Variants in RERE observed in about 807,000 individuals in gnomAD.
RERE encodes arginine-glutamic acid dipeptide repeats, also known as arginine-glutamic acid dipeptide repeats protein.
A neutral mutation model predicts 146.1 loss-of-function variants in RERE; 40 were observed. That is an observed-to-expected ratio of 0.27 (90% confidence interval 0.21 to 0.36). The LOEUF is 0.36. RERE is among the 10% of genes least tolerant of loss of function. RERE has a pLI of 1.00. For missense variants in RERE, 1,933 were observed against 2,138.7 expected, an observed-to-expected ratio of 0.90 and a Z score of 1.90; for synonymous variants, 1,003 against 866.0, an observed-to-expected ratio of 1.16 and a Z score of -2.78.
chr1:8,468,277 A>G (rs1295889747), intron 10 of RERE, among the ~76,000 whole-genome samples: 1 of 152,200 alleles, frequency 6.6e-6, no homozygotes, highest in Middle Eastern at 3.2e-3. Context: ...AAATGTTTGA[A>G]AACTATCCAA....
intron 2 of RERE, among the ~76,000 whole-genome samples, chr1:8,647,474 C>A (rs780235450): frequency 6.6e-6 from 1 of 152,110 alleles, no homozygotes; most frequent in Non-Finnish European, 1.5e-5. Context: ...CTATGTTACA[C>A]AAAAATATTC....
At chr1:8,720,545 G>C (rs1351338417) in intron 1 of RERE, among the ~76,000 whole-genome samples, 2 of 152,216 alleles carry the variant, frequency 1.3e-5, no homozygotes, top group East Asian at 3.9e-4. Context: ...GAGAGAGAGA[G>C]AGAACAAGAA....
rs201913344 is a variant in RERE, at chr1:8,746,876, AAGAG to A, written c.-145+70280_-145+70283del. 1.9e-3 allele frequency among the ~76,000 whole-genome samples: 273 copies of A among 145,378 alleles called. 6 individuals carry two copies. In the East Asian group the frequency reaches 0.031, roughly 17 times the overall value. Reference sequence around the variant, plus strand: ...AGAGAAGAGAGATGGGGGAACAAAAAAGAGAGAGAGAGAGAGAGAGAGAAAGGGA... The same window carrying A: ...AGAGAAGAGAGATGGGGGAACAAAAAAGAGAGAGAGAGAGAGAGAAAGGGA... On this transcript the variant is annotated intron_variant, in intron 1 of 22. Transcript: ENST00000400908.
At chr1:8,411,817 T>C (rs911249268) in intron 12 of RERE, among the ~76,000 whole-genome samples, 4 of 152,196 alleles carry the variant, frequency 2.6e-5, no homozygotes, top group Admixed American at 2.6e-4. Flanking sequence ...AACGTGTAGT[T>C]TGCCCCCAGT....
intron 1 of RERE, among the ~76,000 whole-genome samples, chr1:8,762,523 T>C (rs1176548782): frequency 1.3e-5 from 2 of 152,182 alleles, no homozygotes; most frequent in African/African-American, 2.4e-5. Flanking sequence ...TTTTGGTTCC[T>C]AGAATACCCG....
chr1:8,617,215 G>T (rs576268456), intron 3 of RERE, among the ~76,000 whole-genome samples: 11 of 151,904 alleles, frequency 7.2e-5, no homozygotes, highest in Non-Finnish European at 1.5e-4. Flanking sequence ...GTGGTGGCAG[G>T]TGTCTGTAAT....
chr1:8,418,510 T>C (rs766122205), intron 12 of RERE, among the ~76,000 whole-genome samples: 9 of 152,158 alleles, frequency 5.9e-5, no homozygotes, highest in African/African-American at 2.2e-4. Context: ...GAAGCGCTCC[T>C]GGACTACGAC....
intron 12 of RERE, among the ~76,000 whole-genome samples, chr1:8,370,504 T>A (rs1475133827): frequency 6.6e-6 from 1 of 152,194 alleles, no homozygotes; most frequent in African/African-American, 2.4e-5. Context: ...TATGGCAGGT[T>A]ACGTCAATAA....
intron 1 of RERE, among the ~76,000 whole-genome samples, chr1:8,695,620 G>A (rs1244265353): frequency 7.0e-6 from 1 of 143,560 alleles, no homozygotes; most frequent in Non-Finnish European, 1.5e-5. Context: ...AAAAAGCCAG[G>A]CATGGTAGTG....
chr1:8,599,223 T>C (rs2100888), intron 4 of RERE, among the ~76,000 whole-genome samples: 1 of 151,942 alleles, frequency 6.6e-6, no homozygotes, highest in East Asian at 1.9e-4. Context: ...CTGTTTTTCT[T>C]TTTCAATCGA....
intron 1 of RERE, among the ~76,000 whole-genome samples, chr1:8,759,289 G>C (rs375552466): frequency 2.0e-5 from 3 of 151,962 alleles, no homozygotes; most frequent in Non-Finnish European, 2.9e-5. Flanking sequence ...TTACTAAATC[G>C]GACACTACAT....
chr1:8,587,142 G>A lies in RERE; in HGVS notation c.522+27419C>T, dbSNP rs571888708. Among the ~76,000 whole-genome samples, 6 of 152,204 alleles carry A rather than the reference G, an allele frequency of 3.9e-5. No individual in the cohort carries two copies. The East Asian group carries it at 5.8e-4, about 15-fold the overall frequency. Reference sequence around the variant, plus strand: ...TCTTTCACACATCAAACAGCAAGTCGAAAACCAGGAAGTCTTCAATTGTCC... The same window carrying A: ...TCTTTCACACATCAAACAGCAAGTCAAAAACCAGGAAGTCTTCAATTGTCC... On this transcript the variant is annotated intron_variant, in intron 4 of 22. Coordinates refer to ENST00000400908, the MANE Select transcript of RERE (RefSeq NM_001042681.2).
At chr1:8,396,023 A>G (rs781274270) in intron 12 of RERE, among the ~76,000 whole-genome samples, 40 of 152,322 alleles carry the variant, frequency 2.6e-4, no homozygotes, top group Middle Eastern at 3.4e-3. Context: ...ACCCACCTTG[A>G]ATGGATTCCA....
chr1:8,609,977 C>A (rs1166877429), intron 4 of RERE, among the ~76,000 whole-genome samples: 1 of 152,074 alleles, frequency 6.6e-6, no homozygotes, highest in African/African-American at 2.4e-5. Context: ...CCATGTTGTC[C>A]AGGCCAGTCT....
At chr1:8,461,154 T>C (rs1017647539) in intron 11 of RERE, among the ~76,000 whole-genome samples, 1 of 152,164 alleles carries the variant, frequency 6.6e-6, no homozygotes, top group African/African-American at 2.4e-5. Flanking sequence ...TATGTTATAT[T>C]TGAATGTGTT....
chr1:8,486,807 T>TA (rs1169424203), intron 10 of RERE, among the ~76,000 whole-genome samples: 3 of 148,872 alleles, frequency 2.0e-5, no homozygotes, highest in Admixed American at 6.7e-5. Context: ...ACTTTCTATA[T>TA]AAAAAAATTT....
At chr1:8,801,171 G>C (rs1475074668) in intron 1 of RERE, among the ~76,000 whole-genome samples, 2 of 150,950 alleles carry the variant, frequency 1.3e-5, no homozygotes, top group Non-Finnish European at 3.0e-5. Flanking sequence ...GAGATGGGAA[G>C]ATCGCTTGAG....
At chr1:8,504,940 C>A (rs1188521950) in intron 8 of RERE, among the ~76,000 whole-genome samples, 1 of 152,126 alleles carries the variant, frequency 6.6e-6, no homozygotes, top group Non-Finnish European at 1.5e-5. Flanking sequence ...TACCACCACC[C>A]AGGAAGCATT....
chr1:8,783,839 CTGAA>C (rs1190298777), intron 1 of RERE, among the ~76,000 whole-genome samples: 1 of 152,140 alleles, frequency 6.6e-6, no homozygotes. Flanking sequence ...ACATCGTAGA[CTGAA>C]TGGGTGGTCC....
Sources: gnomAD v4.1 joint callset for allele counts (sites outside exome capture counted in the v4.1 genomes callset) on GRCh38, gnomAD v4.1.1 for gene constraint, MANE v1.5 for transcripts, NCBI Gene and HGNC (gene_info 2026-07-23, HGNC 2026-07-21) for gene names.